The following ENTPD4 variants were observed in gnomAD, a reference collection of about 807,000 sequenced individuals.
ENTPD4 encodes Golgi UDPase.
A neutral mutation model predicts 79.1 loss-of-function variants in ENTPD4; 60 were observed. That is an observed-to-expected ratio of 0.76 (90% confidence interval 0.62 to 0.94). ENTPD4 has a LOEUF of 0.94. Ranked by LOEUF, ENTPD4 falls within the 40% of genes least tolerant of loss-of-function variation. ENTPD4 has a pLI of 0.00. For missense variants in ENTPD4, 772 were observed against 775.1 expected (o/e 1.00, Z 0.05); for synonymous variants, 276 against 292.0 (o/e 0.95, Z 0.56).
At position 23,433,148 on chromosome 8, in the gene ENTPD4, G is replaced by A. The variant is rs761518791; in HGVS notation, c.1629C>T (p.Ile543=). The A allele has an allele frequency of 1.2e-6, 2 of 1,613,914 alleles. No individual in the cohort carries two copies. Among genetic ancestry groups the A allele is most frequent in the East Asian group, 4.5e-5 (2 of 44,882 alleles). The change falls in exon 13 of 13, where the codon ATC becomes ATT. Residue 543 remains isoleucine, a synonymous_variant. Transcript: ENST00000358689. ...YRTRFLPLRD[I]QQEAFRASHT... Reference sequence around the variant, plus strand: ...GACTGGCTCGGAAGGCCTCCTGCTGGATGTCTCTGCCCATGTGAACACCAA... The same window carrying A: ...GACTGGCTCGGAAGGCCTCCTGCTGAATGTCTCTGCCCATGTGAACACCAA...
intron 4 of ENTPD4, among the ~76,000 whole-genome samples, chr8:23,446,086 T>C (rs899761349): frequency 1.4e-4 from 21 of 152,322 alleles, no homozygotes; most frequent in Middle Eastern, 3.4e-3. Context: ...AAGAAATTTC[T>C]AGAGCCTTGC....
chr8:23,438,336 T>C (rs181931410), intron 9 of ENTPD4, among the ~76,000 whole-genome samples: 1 of 152,356 alleles, frequency 6.6e-6, no homozygotes, highest in East Asian at 1.9e-4. Context: ...AAGTTGTGTA[T>C]TCCTCAGATC....
At chr8:23,456,274 G>A (rs560930153) in intron 1 of ENTPD4, among the ~76,000 whole-genome samples, 2 of 152,238 alleles carry the variant, frequency 1.3e-5, no homozygotes, top group East Asian at 3.9e-4. Flanking sequence ...GCCTGCCTCA[G>A]GCATTTACTA....
At chr8:23,448,212 C>A (rs371553586) in intron 3 of ENTPD4, among the ~76,000 whole-genome samples, 15 of 152,258 alleles carry the variant, frequency 9.9e-5, no homozygotes, top group East Asian at 7.7e-4. Context: ...ATTCCAGGAC[C>A]TCTTATGATA....
intron 1 of ENTPD4, among the ~76,000 whole-genome samples, chr8:23,453,847 T>C (rs1363851867): frequency 6.6e-6 from 1 of 152,216 alleles, no homozygotes; most frequent in Non-Finnish European, 1.5e-5. Flanking sequence ...ATCATAGTAT[T>C]GTGTGGAACA....
chr8:23,432,833 A>C lies in ENTPD4; in HGVS notation c.*93T>G. On this transcript the variant is annotated 3_prime_UTR_variant, in exon 13 of 13. Transcript: ENST00000358689. ...TTTTGTTTGGAGGAACAAAAAAGGG[A>C]AAGAAAAAACAAAACCACAGGAAAA... The C allele has an allele frequency of 6.9e-7, 1 of 1,452,704 alleles. No individual in the cohort carries two copies. The highest frequency in any genetic ancestry group is 9.1e-7 in the Non-Finnish European group (1 of 1,101,814). 90.0% of individuals were successfully genotyped at this position (1,452,704 alleles called of 1,614,324 possible).
Position 23,432,362 on chromosome 8 carries a change from C to A in ENTPD4, c.*564G>T. The A allele has an allele frequency of 2.0e-6, 2 of 985,566 alleles. No individual in the cohort carries two copies. The highest frequency in any genetic ancestry group is 3.5e-5 in the African/African-American group (2 of 57,340). 61.1% of individuals were successfully genotyped at this position (985,566 alleles called of 1,614,324 possible). A position where few individuals can be genotyped will look rare whatever the true frequency, so the allele number is the denominator to read the frequency against. ...TAAATTTAACATTCCTTAGAGAAACCCCAGAAATCTCATTTATTTTTGGCA... is the reference window on the plus strand; with the variant it reads ...TAAATTTAACATTCCTTAGAGAAACACCAGAAATCTCATTTATTTTTGGCA... On this transcript the variant is annotated 3_prime_UTR_variant, in exon 13 of 13. Coordinates refer to ENST00000358689, the MANE Select transcript of ENTPD4 (RefSeq NM_004901.5).
rs10113258 is a variant in ENTPD4 at position 23,431,112 on chromosome 8, T to G, written c.*1814A>C. On this transcript the variant is annotated 3_prime_UTR_variant, in exon 13 of 13. Transcript: ENST00000358689. ...CAGGTTAAGCTGCACCTGAGGCAGT[T>G]TGAGCCACAACTGGGACAGAATTCC... The G allele has an allele frequency of 4.2e-6, 2 of 474,192 alleles. No individual in the cohort carries two copies. Among genetic ancestry groups the G allele is most frequent in the Non-Finnish European group, 5.5e-6 (2 of 363,206 alleles). 29.4% of individuals were successfully genotyped at this position (474,192 alleles called of 1,614,324 possible).
At position 23,439,893 on chromosome 8, in the gene ENTPD4, A is replaced by G. The variant is rs1800637191; in HGVS notation, c.905T>C (p.Leu302Ser). 6.2e-7 allele frequency: 1 copy of G among 1,614,150 alleles called. No homozygotes were observed. The highest frequency in any genetic ancestry group is 1.3e-5 in the African/African-American group (1 of 75,056). Reference protein sequence around the residue: ...SQQEEVAKNLLAEFNLGCDVH... With the variant: ...SQQEEVAKNLSAEFNLGCDVH... ...ATCACATCCCAAGTTAAATTCAGCT[A>G]ACAAGTTTTTAGCTACTTCTTCCTG... Residue 302 changes from leucine to serine, a missense_variant, in exon 9 of 13, where the codon TTA (leucine) becomes TCA (serine). By Grantham distance (145) the Leu-to-Ser change is moderately radical. Coordinates refer to ENST00000358689, the MANE Select transcript of ENTPD4 (RefSeq NM_004901.5).
chr8:23,443,804 A>T, intron 6 of ENTPD4, 46 bp downstream of exon 6: 2 of 1,186,436 alleles, frequency 1.7e-6, no homozygotes, highest in Non-Finnish European at 2.5e-6. Flanking sequence ...GGGAGGATTT[A>T]AAGGAACAGC....
intron 11 of ENTPD4, 62 bp from the exon 12 acceptor site, chr8:23,434,540 C>T (rs1800521636): frequency 6.3e-7 from 1 of 1,590,756 alleles, no homozygotes; most frequent in Admixed American, 1.7e-5. Context: ...GGCACACACA[C>T]ACACACACAC....
rs1386689756 is a variant in ENTPD4 at position 23,449,942 on chromosome 8, C to A, written c.-42G>T. 1 of 1,613,754 alleles carries A rather than the reference C, an allele frequency of 6.2e-7. No individual in the cohort carries two copies. The highest frequency in any genetic ancestry group is 1.3e-5 in the African/African-American group (1 of 74,916). On this transcript the variant is annotated 5_prime_UTR_variant, in exon 2 of 13. In the 5' UTR this introduces an upstream ATG that the reference lacks. Transcript: ENST00000358689. ...CAAGGCAATGCTCTGGGATTCAGTC[C>A]TTCTCACAAACAATTATAGAAATAA... is the stretch of plus-strand genomic sequence containing the variant.
Position 23,431,436 on chromosome 8 carries a change from A to G in ENTPD4, c.*1490T>C, listed in dbSNP as rs1444843142. 1 of 985,350 alleles carries G rather than the reference A, an allele frequency of 1.0e-6. No individual in the cohort carries two copies. The highest frequency in any genetic ancestry group is 1.2e-6 in the Non-Finnish European group (1 of 829,940). 61.0% of individuals were successfully genotyped at this position (985,350 alleles called of 1,614,324 possible). A position where few individuals can be genotyped will look rare whatever the true frequency, so the allele number is the denominator to read the frequency against. On this transcript the variant is annotated 3_prime_UTR_variant, in exon 13 of 13. Transcript: ENST00000358689. ...GTACGAGAATTCCCCAAACTTCTCA[A>G]CTAAATAAATAGGTGAAAAAACACC...
Position 23,430,769 on chromosome 8 carries a change from G to A in ENTPD4, c.*2157C>T. 1 of 985,696 alleles carries A rather than the reference G, an allele frequency of 1.0e-6. No homozygotes were observed. The allele number at this position is 985,696 out of a possible 1,614,324, so 61.1% of individuals were successfully genotyped here. The stretch of plus-strand genomic sequence containing the variant: ...CACCTGCCCACTTCAACCATTTGTG[G>A]CCCCTTCCTTTCCTTTCTTCCCTCT... On this transcript the variant is annotated 3_prime_UTR_variant, in exon 13 of 13. Coordinates refer to ENST00000358689, the MANE Select transcript of ENTPD4 (RefSeq NM_004901.5).
Position 23,432,898 on chromosome 8 carries a change from T to C in ENTPD4, c.*28A>G. On this transcript the variant is annotated 3_prime_UTR_variant, in exon 13 of 13. Coordinates refer to ENST00000358689, the MANE Select transcript of ENTPD4 (RefSeq NM_004901.5). ...CCTGAGGCAAAAATGGCTTTTCCTTTTGAGTCTTCGTGGAGCTGTGAGCTG... is the reference window on the plus strand; with the variant it reads ...CCTGAGGCAAAAATGGCTTTTCCTTCTGAGTCTTCGTGGAGCTGTGAGCTG... 1.3e-6 allele frequency: 2 copies of C among 1,534,110 alleles called. No homozygotes were observed. Among genetic ancestry groups the C allele is most frequent in the Non-Finnish European group, 1.8e-6 (2 of 1,136,544 alleles).
chr8:23,437,484 G>C (rs908027223), intron 9 of ENTPD4, among the ~76,000 whole-genome samples: 1 of 152,168 alleles, frequency 6.6e-6, no homozygotes, highest in African/African-American at 2.4e-5. Context: ...CAGGCTACCA[G>C]AGTCCAGTTG....
At chr8:23,451,737 C>G (rs1225379321) in intron 1 of ENTPD4, among the ~76,000 whole-genome samples, 2 of 152,208 alleles carry the variant, frequency 1.3e-5, no homozygotes, top group African/African-American at 2.4e-5. Flanking sequence ...GTCTCAGGGT[C>G]TCTCAACTTG....
At chr8:23,441,528 A>AAAACC in intron 8 of ENTPD4, 41 bp downstream of exon 8, 1 of 1,603,638 alleles carries the variant, frequency 6.2e-7, no homozygotes, top group Non-Finnish European at 8.5e-7. Flanking sequence ...ACGTTAAATG[A>AAAACC]AAACCAAACC....
chr8:23,432,829 AG>A lies in ENTPD4; in HGVS notation c.*96del, dbSNP rs1389361123. The A allele has an allele frequency of 6.9e-7, 1 of 1,451,052 alleles. No individual in the cohort carries two copies. The highest frequency in any genetic ancestry group is 9.1e-7 in the Non-Finnish European group (1 of 1,101,554). 89.9% of individuals were successfully genotyped at this position (1,451,052 alleles called of 1,614,324 possible). A position where few individuals can be genotyped will look rare whatever the true frequency, so the allele number is the denominator to read the frequency against. ...TTGTTTTTGTTTGGAGGAACAAAAA[AG>A]GGAAAGAAAAAACAAAACCACAGGA... On this transcript the variant is annotated 3_prime_UTR_variant, in exon 13 of 13. Coordinates refer to ENST00000358689, the MANE Select transcript of ENTPD4 (RefSeq NM_004901.5).
Sources: allele counts gnomAD v4.1 joint callset (sites outside exome capture counted in the v4.1 genomes callset), GRCh38; gene constraint gnomAD v4.1.1; transcripts MANE v1.5; gene names NCBI Gene and HGNC (gene_info 2026-07-23, HGNC 2026-07-21).